HCN1: variants seen among roughly 807,000 people sequenced by gnomAD.
The protein encoded by HCN1 is hyperpolarization activated cyclic nucleotide gated potassium channel 1.
A neutral mutation model predicts 78.9 loss-of-function variants in HCN1; 13 were observed. The observed-to-expected ratio is 0.16, with a 90% CI of 0.11 to 0.26. HCN1 has a LOEUF of 0.26. Ranked by LOEUF, HCN1 falls within the 10% of genes least tolerant of loss-of-function variation. The probability of loss-of-function intolerance (pLI) is 1.00; values close to 1 mark genes in which losing one functional copy is unlikely to be tolerated. For synonymous variants in HCN1, 552 were observed against 455.5 expected (o/e 1.21, Z -2.70); for missense variants, 810 against 1,154.3 (o/e 0.70, Z 4.32).
intron 2 of HCN1, chr5:45,644,933 G>A (rs918943319): frequency 1.9e-6 from 1 of 531,898 alleles, no homozygotes; most frequent in Non-Finnish European, 3.3e-6. Flanking sequence ...GCTGATTAAA[G>A]TGCATTTATT....
At chr5:45,438,602 A>C (rs890261592) in intron 3 of HCN1, among the ~76,000 whole-genome samples, 4 of 151,706 alleles carry the variant, frequency 2.6e-5, no homozygotes, top group African/African-American at 4.8e-5. Flanking sequence ...AAAAAAAAAA[A>C]CAAAACAAAC....
chr5:45,427,194 G>A (rs1373268040), intron 3 of HCN1, among the ~76,000 whole-genome samples: 1 of 151,838 alleles, frequency 6.6e-6, no homozygotes, highest in African/African-American at 2.4e-5. Flanking sequence ...TTCTTAAGGT[G>A]CTTCTTACAA....
At chr5:45,373,415 A>G (rs1433272384) in intron 4 of HCN1, among the ~76,000 whole-genome samples, 1 of 134,162 alleles carries the variant, frequency 7.5e-6, no homozygotes, top group Non-Finnish European at 1.5e-5. Flanking sequence ...AAAATATATT[A>G]TAATATATAT....
At chr5:45,555,309 A>G (rs1287526240) in intron 2 of HCN1, among the ~76,000 whole-genome samples, 1 of 151,602 alleles carries the variant, frequency 6.6e-6, no homozygotes, top group Non-Finnish European at 1.5e-5. Flanking sequence ...CAAATAAAAT[A>G]CAATACTTAG....
intron 4 of HCN1, among the ~76,000 whole-genome samples, chr5:45,378,393 G>A (rs1161428050): frequency 6.6e-6 from 1 of 152,016 alleles, no homozygotes; most frequent in African/African-American, 2.4e-5. Flanking sequence ...TTTAGAAAAT[G>A]TGTCCAGCAA....
At chr5:45,321,407 C>A (rs1342166187) in intron 5 of HCN1, among the ~76,000 whole-genome samples, 10 of 151,268 alleles carry the variant, frequency 6.6e-5, no homozygotes, top group East Asian at 1.9e-4. Context: ...GCCAAGGCTA[C>A]AGAGCTAGAA....
intron 2 of HCN1, among the ~76,000 whole-genome samples, chr5:45,622,979 G>C (rs575653402): frequency 6.6e-6 from 1 of 151,994 alleles, no homozygotes; most frequent in Non-Finnish European, 1.5e-5. Flanking sequence ...TTGTCCTTTT[G>C]CCGGGAACAT....
chr5:45,313,688 G>A (rs1745910278), intron 5 of HCN1, among the ~76,000 whole-genome samples: 2 of 152,178 alleles, frequency 1.3e-5, no homozygotes, highest in Admixed American at 1.3e-4. Context: ...TGATGGAGCT[G>A]AAAACCATGG....
intron 2 of HCN1, among the ~76,000 whole-genome samples, chr5:45,557,541 T>C (rs1445731924): frequency 1.3e-5 from 2 of 152,140 alleles, no homozygotes; most frequent in African/African-American, 2.4e-5. Context: ...ACTTGGCAGA[T>C]ACTGTTTTTG....
intron 4 of HCN1, among the ~76,000 whole-genome samples, chr5:45,373,829 C>T (rs1372779832): frequency 7.9e-6 from 1 of 126,266 alleles, no homozygotes; most frequent in Non-Finnish European, 1.6e-5. Context: ...GTATATACGT[C>T]ATCTATAATA....
intron 2 of HCN1, among the ~76,000 whole-genome samples, chr5:45,507,685 G>A (rs147115730): frequency 7.2e-5 from 11 of 152,198 alleles, no homozygotes; most frequent in Non-Finnish European, 2.9e-5. Context: ...CGGATTACAC[G>A]AATATCAAAT....
intron 1 of HCN1, among the ~76,000 whole-genome samples, chr5:45,690,864 A>G (rs2112102421): frequency 6.6e-6 from 1 of 152,204 alleles, no homozygotes. Context: ...CTGTACTTAC[A>G]AGAGACTCTA....
chr5:45,466,579 G>A (rs972084634), intron 2 of HCN1, among the ~76,000 whole-genome samples: 1 of 151,980 alleles, frequency 6.6e-6, no homozygotes, highest in Non-Finnish European at 1.5e-5. Flanking sequence ...GCACCTGCAC[G>A]ATTTGTTATA....
At chr5:45,443,581 T>C (rs1474970688) in intron 3 of HCN1, among the ~76,000 whole-genome samples, 1 of 152,110 alleles carries the variant, frequency 6.6e-6, no homozygotes, top group Non-Finnish European at 1.5e-5. Flanking sequence ...TAGGAAAGTG[T>C]AGGCTTAATT....
intron 2 of HCN1, among the ~76,000 whole-genome samples, chr5:45,571,732 T>C (rs896808774): frequency 6.6e-6 from 1 of 152,082 alleles, no homozygotes; most frequent in African/African-American, 2.4e-5. Context: ...CTGACTAACA[T>C]GGTGAAACCC....
At chr5:45,382,400 C>T (rs1314619898) in intron 4 of HCN1, among the ~76,000 whole-genome samples, 1 of 152,160 alleles carries the variant, frequency 6.6e-6, no homozygotes, top group Admixed American at 6.6e-5. Flanking sequence ...ATAGAAGGTA[C>T]TGGATTTGAT....
chr5:45,359,857 T>C (rs977075576), intron 4 of HCN1, among the ~76,000 whole-genome samples: 2 of 151,842 alleles, frequency 1.3e-5, no homozygotes, highest in African/African-American at 4.8e-5. Context: ...CATTAAGTTT[T>C]ATTGGCATTG....
intron 6 of HCN1, among the ~76,000 whole-genome samples, chr5:45,269,064 T>A (rs1744913560): frequency 6.6e-6 from 1 of 152,244 alleles, no homozygotes; most frequent in Non-Finnish European, 1.5e-5. Context: ...AGCCACATAC[T>A]GTGTGATTCC....
At chr5:45,429,849 T>C (rs183942842) in intron 3 of HCN1, among the ~76,000 whole-genome samples, 2 of 152,148 alleles carry the variant, frequency 1.3e-5, no homozygotes, top group Admixed American at 6.5e-5. Context: ...GATGAGACCT[T>C]CAAACAACAT....
Sources: allele counts gnomAD v4.1 joint callset (sites outside exome capture counted in the v4.1 genomes callset), GRCh38; gene constraint gnomAD v4.1.1; transcripts MANE v1.5; gene names NCBI Gene and HGNC (gene_info 2026-07-23, HGNC 2026-07-21).